Variants in RABEP1 observed in about 807,000 individuals in gnomAD.
RABEP1 encodes rabaptin, RAB GTPase binding effector protein 1.
RABEP1 carries 51 observed loss-of-function variants against 123.4 expected under a neutral mutation model. That is an observed-to-expected ratio of 0.41 (90% CI 0.33 to 0.52). The LOEUF is 0.52. Among genes scored for constraint, RABEP1 ranks in the 20% least tolerant of loss-of-function variants. RABEP1 has a pLI of 0.16. For synonymous variants in RABEP1, 347 were observed against 355.2 expected (o/e 0.98, Z 0.26); for missense variants, 888 against 996.3 (o/e 0.89, Z 1.46).
At chr17:5,359,174 C>T (rs924307869) in intron 8 of RABEP1, among the ~76,000 whole-genome samples, 9 of 151,652 alleles carry the variant, frequency 5.9e-5, no homozygotes, top group Admixed American at 2.0e-4. Flanking sequence ...CCCGGGTTCA[C>T]GCCATTCTCC....
intron 2 of RABEP1, among the ~76,000 whole-genome samples, chr17:5,314,231 A>ATTT (rs2075272537): frequency 8.5e-5 from 3 of 35,232 alleles, no homozygotes; most frequent in African/African-American, 1.9e-4. Flanking sequence ...CTTAGTACCT[A>ATTT]TTCTTTTTTT....
At chr17:5,327,570 C>T (rs1906104548) in intron 2 of RABEP1, among the ~76,000 whole-genome samples, 2 of 152,060 alleles carry the variant, frequency 1.3e-5, no homozygotes, top group Non-Finnish European at 2.9e-5. Flanking sequence ...ATTTGTCTCA[C>T]AGTATATATG....
intron 5 of RABEP1, among the ~76,000 whole-genome samples, chr17:5,345,210 A>G (rs541841071): frequency 1.4e-4 from 21 of 152,276 alleles, no homozygotes; most frequent in African/African-American, 4.6e-4. Context: ...CTGTTGTCAC[A>G]TTGTCCTCCC....
At chr17:5,356,726 C>G (rs1909048037) in intron 8 of RABEP1, among the ~76,000 whole-genome samples, 2 of 140,686 alleles carry the variant, frequency 1.4e-5, no homozygotes, top group Admixed American at 1.4e-4. Context: ...TCTTGGCTCA[C>G]TGCAGCCTTG....
chr17:5,339,764 C>T (rs575652652), intron 5 of RABEP1, among the ~76,000 whole-genome samples: 19 of 151,882 alleles, frequency 1.3e-4, no homozygotes, highest in Non-Finnish European at 2.4e-4. Flanking sequence ...GACTGTACCA[C>T]TGCACTCCAG....
intron 17 of RABEP1, among the ~76,000 whole-genome samples, chr17:5,382,671 G>A (rs1301263927): frequency 6.6e-6 from 1 of 152,074 alleles, no homozygotes; most frequent in Non-Finnish European, 1.5e-5. Flanking sequence ...AGAATTGCTT[G>A]AACCCGGGAA....
At chr17:5,324,553 A>G (rs1597356310) in intron 2 of RABEP1, among the ~76,000 whole-genome samples, 1 of 152,224 alleles carries the variant, frequency 6.6e-6, no homozygotes, top group Admixed American at 6.5e-5. Flanking sequence ...CCTCAAAAGC[A>G]TAGGCAAAAA....
At chr17:5,319,451 CT>C (rs1199244280) in intron 2 of RABEP1, among the ~76,000 whole-genome samples, 3 of 151,912 alleles carry the variant, frequency 2.0e-5, no homozygotes, top group African/African-American at 7.3e-5. Context: ...ACTGCAACCT[CT>C]GCCTCCCAGG....
At chr17:5,367,647 A>G (rs1325493925) in intron 11 of RABEP1, among the ~76,000 whole-genome samples, 1 of 150,894 alleles carries the variant, frequency 6.6e-6, no homozygotes, top group Non-Finnish European at 1.5e-5. Flanking sequence ...CCTTTCCCCC[A>G]TTGCTCTGTG....
chr17:5,333,202 G>T (rs1597364409), intron 3 of RABEP1, among the ~76,000 whole-genome samples: 4 of 152,036 alleles, frequency 2.6e-5, no homozygotes, highest in Admixed American at 2.6e-4. Context: ...TCACTCTGTT[G>T]CCCAGGCTGG....
chr17:5,378,258 C>CTA lies in RABEP1; in HGVS notation c.2271+28_2271+29dup, dbSNP rs760396141. The CTA allele has an allele frequency of 4.8e-5, 74 of 1,534,302 alleles. No individual in the cohort carries two copies. In the African/African-American group the frequency reaches 9.3e-4, roughly 19 times the overall value. The stretch of plus-strand genomic sequence containing the variant: ...GTAAGTCGTGAGTTTCAAATTAATT[C>CTA]TATCAGCAACCAGTGGTTATTTACT... On this transcript the variant is annotated intron_variant, in intron 15 of 17. Coordinates refer to ENST00000537505, the MANE Select transcript of RABEP1 (RefSeq NM_004703.6).
chr17:5,335,106 A>G, intron 3 of RABEP1, 78 bp from the exon 4 acceptor site: 1 of 1,278,804 alleles, frequency 7.8e-7, no homozygotes. Context: ...CTTTTTATAT[A>G]ACTTTAAAAA....
At chr17:5,313,506 A>C (rs2075265039) in intron 2 of RABEP1, among the ~76,000 whole-genome samples, 1 of 152,226 alleles carries the variant, frequency 6.6e-6, no homozygotes, top group Non-Finnish European at 1.5e-5. Flanking sequence ...GAAATTATAA[A>C]ATAGAATTTT....
At chr17:5,321,231 C>A (rs1446559466) in intron 2 of RABEP1, among the ~76,000 whole-genome samples, 1 of 152,170 alleles carries the variant, frequency 6.6e-6, no homozygotes, top group Non-Finnish European at 1.5e-5. Context: ...TGCTTGAGCC[C>A]AGGAGATGGA....
intron 15 of RABEP1, among the ~76,000 whole-genome samples, chr17:5,379,974 C>G (rs1247293139): frequency 6.6e-6 from 1 of 152,188 alleles, no homozygotes; most frequent in African/African-American, 2.4e-5. Flanking sequence ...GCCATCCATT[C>G]CCTCTTATTG....
chr17:5,376,981 A>G (rs1231425559), intron 13 of RABEP1, 135 bp from the exon 14 acceptor site: 2 of 859,142 alleles, frequency 2.3e-6, no homozygotes, highest in African/African-American at 3.5e-5. Context: ...CTGAAGCTCT[A>G]AGTGGCTTAA....
At chr17:5,340,672 C>T (rs1471319816) in intron 5 of RABEP1, among the ~76,000 whole-genome samples, 2 of 148,608 alleles carry the variant, frequency 1.3e-5, no homozygotes, top group Admixed American at 1.3e-4. Flanking sequence ...CTGAGCCGGG[C>T]GCAGTGGCTC....
chr17:5,313,591 A>G (rs1232004754), intron 2 of RABEP1, among the ~76,000 whole-genome samples: 1 of 152,226 alleles, frequency 6.6e-6, no homozygotes, highest in East Asian at 1.9e-4. Context: ...GCAGTTTTAG[A>G]TCTGTGAATT....
At chr17:5,341,739 A>T (rs1260238101) in intron 5 of RABEP1, among the ~76,000 whole-genome samples, 1 of 152,266 alleles carries the variant, frequency 6.6e-6, no homozygotes. Context: ...GGAGAAATAC[A>T]TCATGACCAA....
Sources: allele counts gnomAD v4.1 joint callset (sites outside exome capture counted in the v4.1 genomes callset), GRCh38; gene constraint gnomAD v4.1.1; transcripts MANE v1.5; gene names NCBI Gene and HGNC (gene_info 2026-07-23, HGNC 2026-07-21).